Variants in ZNF561 observed in about 807,000 individuals in gnomAD.
The protein encoded by ZNF561 is zinc finger protein 561.
Under a neutral mutation model 16.7 loss-of-function variants are expected in ZNF561, and 16 were observed. That is an observed-to-expected ratio of 0.96 (90% confidence interval 0.65 to 1.45). The LOEUF (loss-of-function observed/expected upper bound fraction) is 1.45. Ranked by LOEUF, ZNF561 falls within the 40% of genes most tolerant of loss-of-function variation. The probability of loss-of-function intolerance (pLI) is 0.00; values close to 1 mark genes in which losing one functional copy is unlikely to be tolerated. For synonymous variants in ZNF561, 190 were observed against 192.1 expected (o/e 0.99, Z 0.09); for missense variants, 580 against 578.0 (o/e 1.00, Z -0.04).
intron 4 of ZNF561, among the ~76,000 whole-genome samples, chr19:9,615,046 G>A (rs1408473436): frequency 6.6e-6 from 1 of 151,734 alleles, no homozygotes; most frequent in Non-Finnish European, 1.5e-5. Context: ...CACAGTGTAG[G>A]ACACACTGGT....
rs375875176 is a variant in ZNF561, at chr19:9,616,641, G to C, written c.241+404C>G. On this transcript the variant is annotated intron_variant, in intron 4 of 5. Transcript: ENST00000302851. ...GAGTCTCAATCTGTCACCCAGGCTG[G>C]AGTGCAGTGGTGTGATCTTGGCTCA... Among the ~76,000 whole-genome samples, 25 of 151,682 alleles carry C rather than the reference G, an allele frequency of 1.6e-4. No individual in the cohort carries two copies. In the East Asian group the frequency reaches 2.1e-3, roughly 13 times the overall value.
At chr19:9,612,185 C>T (rs569432258) in intron 5 of ZNF561, among the ~76,000 whole-genome samples, 2 of 152,186 alleles carry the variant, frequency 1.3e-5, no homozygotes, top group South Asian at 4.2e-4. Context: ...GCCTTGGCCT[C>T]CCAAAGTGCT....
At position 9,610,213 on chromosome 19, in the gene ZNF561, C is replaced by T. The variant is rs773038915; in HGVS notation, c.1448G>A (p.Ser483Asn). The T allele has an allele frequency of 1.3e-6, 2 of 1,598,814 alleles. No individual in the cohort carries two copies. Among genetic ancestry groups the T allele is most frequent in the East Asian group, 2.2e-5 (1 of 44,768 alleles). Residue 483 changes from serine to asparagine, a missense_variant, in exon 6 of 6, where the codon AGT becomes AAT. By Grantham distance (46) the Ser-to-Asn change is conservative. Coordinates refer to ENST00000302851, the MANE Select transcript of ZNF561 (RefSeq NM_152289.3). ...GEKPYECKDM[S>N]VTI is the part of the protein sequence containing the mutation. ...GCAACCGATGGGCTAAATGGTAACA[C>T]TCATATCCTTGCATTCATAGGGTTT... is the stretch of plus-strand genomic sequence containing the variant.
intron 2 of ZNF561, 76 bp downstream of exon 2, chr19:9,619,356 C>G: frequency 1.3e-6 from 2 of 1,499,944 alleles, no homozygotes; most frequent in East Asian, 2.3e-5. Context: ...TGCTCAGGCT[C>G]AGCTCACTGG....
intron 4 of ZNF561, among the ~76,000 whole-genome samples, chr19:9,615,649 T>C (rs933761876): frequency 3.3e-5 from 5 of 149,560 alleles, no homozygotes; most frequent in African/African-American, 9.9e-5. Context: ...GCTTACACCA[T>C]AATCCCAGCA....
At position 9,607,500 on chromosome 19, in the gene ZNF561, T is replaced by C. The variant is rs1358952155; in HGVS notation, c.*2700A>G. The C allele has an allele frequency of 6.6e-6, 1 of 152,150 alleles. No homozygotes were observed. Among genetic ancestry groups the C allele is most frequent in the Non-Finnish European group, 1.5e-5 (1 of 68,034 alleles). 9.4% of individuals were successfully genotyped at this position (152,150 alleles called of 1,614,324 possible). A position where few individuals can be genotyped will look rare whatever the true frequency, so the allele number is the denominator to read the frequency against. ...AAATACTGGGAAATCATTCATCATG[T>C]AAAAACTGGATATAAAAAGAAACCT... On this transcript the variant is annotated 3_prime_UTR_variant, in exon 6 of 6. Transcript: ENST00000302851.
At chr19:9,613,252 G>T (rs1396963582) in intron 5 of ZNF561, among the ~76,000 whole-genome samples, 1 of 152,152 alleles carries the variant, frequency 6.6e-6, no homozygotes, top group Non-Finnish European at 1.5e-5. Context: ...TGCTCCCTCA[G>T]TGGTGCAGAA....
At chr19:9,617,901 C>A (rs1242211806) in intron 3 of ZNF561, 190 bp downstream of exon 3, 6 of 619,326 alleles carry the variant, frequency 9.7e-6, no homozygotes, top group Admixed American at 2.2e-5. Flanking sequence ...AGCTACTGGA[C>A]TGATTTTCAA....
At chr19:9,612,516 C>T (rs1176957417) in intron 5 of ZNF561, among the ~76,000 whole-genome samples, 1 of 152,090 alleles carries the variant, frequency 6.6e-6, no homozygotes, top group Admixed American at 6.6e-5. Flanking sequence ...CCACACCCAG[C>T]CTCAATTTAT....
chr19:9,616,254 A>G (rs2074551489), intron 4 of ZNF561, among the ~76,000 whole-genome samples: 1 of 152,116 alleles, frequency 6.6e-6, no homozygotes, highest in Non-Finnish European at 1.5e-5. Flanking sequence ...AACAGGCTAC[A>G]AGAAATGATG....
chr19:9,609,526 A>G lies in ZNF561; in HGVS notation c.*674T>C, dbSNP rs186772652. The G allele has an allele frequency of 6.6e-6, 1 of 152,256 alleles. No individual in the cohort carries two copies. Among genetic ancestry groups the G allele is most frequent in the Non-Finnish European group, 1.5e-5 (1 of 68,044 alleles). 9.4% of individuals were successfully genotyped at this position (152,256 alleles called of 1,614,324 possible). ...ATCCTCAAAGTGTGGCTGAACGATC[A>G]TCTGATAAAGAGATCATGAGTGGGA... On this transcript the variant is annotated 3_prime_UTR_variant, in exon 6 of 6. Transcript: ENST00000302851.
At chr19:9,612,812 T>C (rs1285664896) in intron 5 of ZNF561, among the ~76,000 whole-genome samples, 1 of 152,182 alleles carries the variant, frequency 6.6e-6, no homozygotes, top group Non-Finnish European at 1.5e-5. Context: ...TGCAGGGTGG[T>C]TTGAGACAAG....
intron 5 of ZNF561, among the ~76,000 whole-genome samples, chr19:9,612,824 TCTCA>T (rs2074485859): frequency 6.6e-6 from 1 of 152,174 alleles, no homozygotes; most frequent in Admixed American, 6.5e-5. Context: ...TGAGACAAGG[TCTCA>T]CTCTGTCACC....
Position 9,610,420 on chromosome 19 carries a change from G to A in ZNF561, c.1241C>T (p.Thr414Ile). ...TACAAAGGGCTTTTCTCCACTATGA[G>A]TTTTCAAATGTTTACTACGACGGGA... ...TSSRRSKHLKTHSGEKPFVCK... is the reference protein window; with the variant it reads ...TSSRRSKHLKIHSGEKPFVCK... The change falls in exon 6 of 6, where the codon ACT (threonine) becomes ATT (isoleucine). Residue 414 changes from threonine to isoleucine, a missense_variant. Thr to Ile is a moderately conservative substitution (Grantham distance 89). Coordinates refer to ENST00000302851, the MANE Select transcript of ZNF561 (RefSeq NM_152289.3). The A allele has an allele frequency of 8.7e-6, 14 of 1,612,156 alleles. No homozygotes were observed. The highest frequency in any genetic ancestry group is 1.1e-5 in the South Asian group (1 of 91,044).
intron 2 of ZNF561, 99 bp from the exon 3 acceptor site, chr19:9,618,278 T>C (rs1486658607): frequency 5.1e-6 from 6 of 1,186,078 alleles, no homozygotes; most frequent in South Asian, 2.7e-5. Context: ...AATTCCGATA[T>C]GCTCCTACAC....
At position 9,610,763 on chromosome 19, in the gene ZNF561, T is replaced by G. The variant is rs1483784175; in HGVS notation, c.898A>C (p.Ile300Leu). ...GGTTTTATTCCAGTGTGAATTTGAA[T>G]GTGATCATTAAGGCATGAGGAATTT... ...FRNSSCLNDH[I>L]QIHTGIKPHK... Residue 300 changes from isoleucine (I) to leucine (L), a missense_variant, in exon 6 of 6, where the codon ATT (isoleucine) becomes CTT (leucine). Transcript: ENST00000302851. The G allele has an allele frequency of 5.6e-6, 9 of 1,614,190 alleles. No homozygotes were observed. The highest frequency in any genetic ancestry group is 7.6e-6 in the Non-Finnish European group (9 of 1,180,032).
chr19:9,615,946 T>C (rs1368247002), intron 4 of ZNF561, among the ~76,000 whole-genome samples: 1 of 151,766 alleles, frequency 6.6e-6, no homozygotes, highest in Non-Finnish European at 1.5e-5. Context: ...CTGTCATGGG[T>C]AAACAACTCT....
rs2074388023 is a variant in ZNF561, at chr19:9,608,390, C to T, written c.*1810G>A. The T allele has an allele frequency of 6.6e-6, 1 of 152,048 alleles. No homozygotes were observed. Among genetic ancestry groups the T allele is most frequent in the African/African-American group, 2.4e-5 (1 of 41,400 alleles). 9.4% of individuals were successfully genotyped at this position (152,048 alleles called of 1,614,324 possible). ...TACATACCAGGAAGAGAGCTCTCGCCAGAAGTTGACCATGCTGGCACTCTG... is the reference window on the plus strand; with the variant it reads ...TACATACCAGGAAGAGAGCTCTCGCTAGAAGTTGACCATGCTGGCACTCTG... On this transcript the variant is annotated 3_prime_UTR_variant, in exon 6 of 6. Coordinates refer to ENST00000302851, the MANE Select transcript of ZNF561 (RefSeq NM_152289.3).
rs1317188880 is a variant in ZNF561 at position 9,610,632 on chromosome 19, G to A, written c.1029C>T (p.Gly343=). 3 of 1,613,804 alleles carry A rather than the reference G, an allele frequency of 1.9e-6. No individual in the cohort carries two copies. Among genetic ancestry groups the A allele is most frequent in the East Asian group, 2.2e-5 (1 of 44,876 alleles). ...GGCCCGAGTACTGAGCAAAGGCTTG[G>A]CCACATTCCTTACATTCATAGGGTT... The part of the protein sequence containing the change: ...GIKPYECKEC[G]QAFAQYSGLS... The change falls in exon 6 of 6, where the codon GGC becomes GGT. Residue 343 remains glycine (G), a synonymous_variant. Coordinates refer to ENST00000302851, the MANE Select transcript of ZNF561 (RefSeq NM_152289.3).
Sources: allele counts gnomAD v4.1 joint callset (sites outside exome capture counted in the v4.1 genomes callset), GRCh38; gene constraint gnomAD v4.1.1; transcripts MANE v1.5; gene names NCBI Gene and HGNC (gene_info 2026-07-23, HGNC 2026-07-21).